The following COL10A1 variants were observed in gnomAD, a reference collection of about 807,000 sequenced individuals.
The protein encoded by COL10A1 is collagen alpha-1(X) chain.
COL10A1 carries 10 observed loss-of-function variants against 18.2 expected under a neutral mutation model. The observed-to-expected ratio is 0.55, with a 90% CI of 0.34 to 0.93. The LOEUF (loss-of-function observed/expected upper bound fraction) is 0.93, where lower values mean the gene tolerates loss of function less well. Among genes scored for constraint, COL10A1 ranks in the 40% least tolerant of loss-of-function variants. The probability of loss-of-function intolerance (pLI) is 0.02; values close to 1 mark genes in which losing one functional copy is unlikely to be tolerated. For synonymous variants in COL10A1, 330 were observed against 316.6 expected (o/e 1.04, Z -0.45); for missense variants, 897 against 853.5 (o/e 1.05, Z -0.64).
the COL10A1 span, among the ~76,000 whole-genome samples, chr6:116,208,064 C>T: frequency 6.6e-6 from 1 of 151,934 alleles, no homozygotes; most frequent in South Asian, 2.1e-4. Flanking sequence ...GCACTTCAGT[C>T]CTCAGTGTGG....
At chr6:116,209,836 A>G in the COL10A1 span, among the ~76,000 whole-genome samples, 1 of 151,984 alleles carries the variant, frequency 6.6e-6, no homozygotes, top group African/African-American at 2.4e-5. Flanking sequence ...TTATATAGCT[A>G]AACAGGCATA....
upstream of COL10A1, among the ~76,000 whole-genome samples, chr6:116,160,841 G>T (rs1386067360): frequency 6.6e-6 from 1 of 151,996 alleles, no homozygotes; most frequent in Non-Finnish European, 1.5e-5. Context: ...CCATTACTGG[G>T]TATATACCCA....
At chr6:116,170,544 C>A in the COL10A1 span, among the ~76,000 whole-genome samples, 14 of 152,256 alleles carry the variant, frequency 9.2e-5, no homozygotes, top group African/African-American at 3.1e-4. Context: ...GTACCTGACT[C>A]ATAATAAGTA....
rs765628474 is a variant in COL10A1, at chr6:116,121,344, G to A, written c.772C>T (p.Arg258Ter). The A allele has an allele frequency of 7.7e-5, 125 of 1,613,772 alleles. 2 individuals carry two copies. Among genetic ancestry groups the A allele is most frequent in the Non-Finnish European group, 9.9e-5 (117 of 1,179,944 alleles). Residue 258 changes from arginine (R) to a stop codon, truncating the protein, a stop_gained, in exon 3 of 3, where the codon CGA becomes TGA. Transcript: ENST00000651968. LOFTEE classifies it high-confidence loss of function. Reference protein sequence around the residue: ...PPGPQGPPGERGPEGIGKPGA... With the variant: ...PPGPQGPPGE ...GGCTTTCCAATGCCTTCTGGCCCTC[G>A]TTCCCCAGGAGGGCCTTGGGGACCT...
At chr6:116,191,985 G>A in the COL10A1 span, among the ~76,000 whole-genome samples, 207 of 152,146 alleles carry the variant, frequency 1.4e-3, 1 homozygote, top group South Asian at 0.011. Context: ...GAAATTACGA[G>A]CAAACATGAG....
At chr6:116,163,137 A>ATATATATATAT (rs1554197055), upstream of COL10A1, among the ~76,000 whole-genome samples, 6 of 105,382 alleles carry the variant, frequency 5.7e-5, no homozygotes, top group South Asian at 8.6e-4. Context: ...AAAAAAAAAA[A>ATATATATATAT]AAAAATATAT....
chr6:116,131,443 C>G (rs1445908379), intron 1 of COL10A1, among the ~76,000 whole-genome samples: 1 of 152,172 alleles, frequency 6.6e-6, no homozygotes, highest in Non-Finnish European at 1.5e-5. Context: ...AATGGCATCA[C>G]AGTGTACATA....
the COL10A1 span, among the ~76,000 whole-genome samples, chr6:116,175,552 A>C: frequency 6.6e-6 from 1 of 152,080 alleles, no homozygotes; most frequent in African/African-American, 2.4e-5. Flanking sequence ...AATTATGAGT[A>C]TGTTGGACCA....
intron 1 of COL10A1, among the ~76,000 whole-genome samples, chr6:116,142,349 A>C (rs894591184): frequency 5.9e-5 from 9 of 152,126 alleles, no homozygotes; most frequent in African/African-American, 2.2e-4. Context: ...GTTGTAAAAA[A>C]AAATTAATAA....
Position 116,125,375 on chromosome 6 carries a change from T to C in COL10A1, c.118A>G (p.Thr40Ala). 1 of 1,613,786 alleles carries C rather than the reference T, an allele frequency of 6.2e-7. No homozygotes were observed. The highest frequency in any genetic ancestry group is 8.5e-7 in the Non-Finnish European group (1 of 1,179,834). The part of the protein sequence containing the change: ...GIKGPLPNTK[T>A]QFFIPYTIKS... ...ATGGTGTAGGGAATGAAGAACTGTG[T>C]CTTGGTGTTGGGTAGTGGGCCTTTT... Residue 40 changes from threonine to alanine, a missense_variant, in exon 2 of 3, where the codon ACA becomes GCA. Thr to Ala is a moderately conservative substitution (Grantham distance 58, BLOSUM62 0). Coordinates refer to ENST00000651968, the MANE Select transcript of COL10A1 (RefSeq NM_000493.4).
chr6:116,201,260 T>G, the COL10A1 span, among the ~76,000 whole-genome samples: 2 of 152,096 alleles, frequency 1.3e-5, no homozygotes, highest in Non-Finnish European at 2.9e-5. Context: ...TCTTGCCTTT[T>G]TGGCTGTAGC....
rs780295210 is a variant in COL10A1 at position 116,120,734 on chromosome 6, C to G, written c.1382G>C (p.Gly461Ala). ...TGGATCCCCTTTAGACCCAGGGAAT[C>G]CTGGAATGCCTGGTGGCCCAATAGG... ...RGPIGPPGIP[G>A]FPGSKGDPGS... Residue 461 changes from glycine (G) to alanine (A), a missense_variant, in exon 3 of 3, where the codon GGA (glycine) becomes GCA (alanine). Transcript: ENST00000651968. The G allele has an allele frequency of 6.3e-7, 1 of 1,590,184 alleles. No homozygotes were observed. The highest frequency in any genetic ancestry group is 8.5e-7 in the Non-Finnish European group (1 of 1,170,666).
upstream of COL10A1, among the ~76,000 whole-genome samples, chr6:116,126,893 C>A (rs1172447998): frequency 6.6e-6 from 1 of 151,914 alleles, no homozygotes; most frequent in Admixed American, 6.6e-5. Context: ...AGGAATCATC[C>A]CAATTAGAAA....
At chr6:116,194,719 G>C in the COL10A1 span, among the ~76,000 whole-genome samples, 4 of 151,996 alleles carry the variant, frequency 2.6e-5, no homozygotes, top group Non-Finnish European at 5.9e-5. Context: ...ATATTATTTA[G>C]AGTTTTGAAT....
At chr6:116,197,649 GA>G in the COL10A1 span, among the ~76,000 whole-genome samples, 1 of 152,116 alleles carries the variant, frequency 6.6e-6, no homozygotes, top group African/African-American at 2.4e-5. Context: ...TCTACTTTTT[GA>G]TTGTTTAGCA....
At chr6:116,180,303 T>C in the COL10A1 span, among the ~76,000 whole-genome samples, 2 of 152,128 alleles carry the variant, frequency 1.3e-5, no homozygotes, top group Admixed American at 6.6e-5. Context: ...AATTATCTTA[T>C]TTCTCTTTTA....
intron 1 of COL10A1, among the ~76,000 whole-genome samples, chr6:116,136,688 A>G (rs576160748): frequency 2.0e-5 from 3 of 152,200 alleles, no homozygotes; most frequent in Non-Finnish European, 2.9e-5. Context: ...TCATATTAAT[A>G]AACAGATAAA....
chr6:116,184,235 T>A, the COL10A1 span, among the ~76,000 whole-genome samples: 1 of 152,120 alleles, frequency 6.6e-6, no homozygotes, highest in South Asian at 2.1e-4. Context: ...TATCCCTGCG[T>A]CCCTCATATG....
the COL10A1 span, among the ~76,000 whole-genome samples, chr6:116,166,704 C>T: frequency 2.0e-5 from 3 of 152,158 alleles, no homozygotes; most frequent in East Asian, 5.8e-4. Context: ...AGTTATTTAT[C>T]TAAATCCATG....
Sources: gnomAD v4.1 joint callset for allele counts (sites outside exome capture counted in the v4.1 genomes callset) on GRCh38, gnomAD v4.1.1 for gene constraint, MANE v1.5 for transcripts, NCBI Gene and HGNC (gene_info 2026-07-23, HGNC 2026-07-21) for gene names.